TM2D2: variants seen among roughly 807,000 people sequenced by gnomAD.
TM2D2 encodes TM2 domain containing 2.
A neutral mutation model predicts 23.0 loss-of-function variants in TM2D2; 19 were observed. That is an observed-to-expected ratio of 0.82 (90% CI 0.58 to 1.21). TM2D2 has a LOEUF of 1.21. TM2D2 is among the 50% of genes most tolerant of loss of function. The pLI is 0.00. For synonymous variants in TM2D2, 120 were observed against 108.8 expected, an observed-to-expected ratio of 1.10 and a Z score of -0.64; for missense variants, 246 against 265.4, an observed-to-expected ratio of 0.93 and a Z score of 0.51.
rs1233564326 is a variant in TM2D2 at position 38,990,549 on chromosome 8, T to G, written c.*783A>C. On this transcript the variant is annotated 3_prime_UTR_variant, in exon 4 of 4. Transcript: ENST00000456397. Reference sequence around the variant, plus strand: ...AACTTGTATGAAATCTTAATTTTATTAGCATGGGCTGGTAAACGCTGATTT... The same window carrying G: ...AACTTGTATGAAATCTTAATTTTATGAGCATGGGCTGGTAAACGCTGATTT... The G allele has an allele frequency of 6.6e-6, 1 of 152,226 alleles. No individual in the cohort carries two copies. Among genetic ancestry groups the G allele is most frequent in the Non-Finnish European group, 1.5e-5 (1 of 68,038 alleles). The allele number at this position is 152,226 out of a possible 1,614,324, so 9.4% of individuals were successfully genotyped here. A position where few individuals can be genotyped will look rare whatever the true frequency, so the allele number is the denominator to read the frequency against.
At chr8:38,996,702 G>A (rs1368815852), upstream of TM2D2, 1 of 1,421,884 alleles carries the variant, frequency 7.0e-7, no homozygotes, top group Admixed American at 2.9e-5. Flanking sequence ...CTTTTGCGCC[G>A]AATGCGTTCT....
intron 1 of TM2D2, 98 bp downstream of exon 1, chr8:38,996,115 G>A: frequency 7.1e-7 from 1 of 1,408,836 alleles, no homozygotes; most frequent in Non-Finnish European, 9.5e-7. Context: ...GGCAGGGTCT[G>A]AAAAAATGCA....
At chr8:38,995,521 G>A (rs767955099) in intron 1 of TM2D2, 116 bp from the exon 2 acceptor site, 6 of 1,563,302 alleles carry the variant, frequency 3.8e-6, no homozygotes, top group South Asian at 2.4e-5. Flanking sequence ...TCTGGGGTTC[G>A]GTTTCACCCT....
At chr8:38,996,702 G>T (rs1368815852), upstream of TM2D2, 2 of 1,421,884 alleles carry the variant, frequency 1.4e-6, no homozygotes, top group Non-Finnish European at 1.8e-6. Flanking sequence ...CTTTTGCGCC[G>T]AATGCGTTCT....
intron 3 of TM2D2, among the ~76,000 whole-genome samples, chr8:38,992,370 C>T (rs534239844): frequency 1.1e-4 from 15 of 142,334 alleles, no homozygotes; most frequent in South Asian, 2.3e-4. Context: ...CCTAGTTACT[C>T]GGGAGGCTGA....
chr8:38,995,129 G>C, intron 2 of TM2D2, 189 bp downstream of exon 2: 3 of 498,312 alleles, frequency 6.0e-6, no homozygotes, highest in Non-Finnish European at 1.0e-5. Context: ...CACAGAGATT[G>C]CTCCTTCATA....
rs1835548462 is a variant in TM2D2 at position 38,989,707 on chromosome 8, G to C, written c.*1625C>G. On this transcript the variant is annotated 3_prime_UTR_variant, in exon 4 of 4. Coordinates refer to ENST00000456397, the MANE Select transcript of TM2D2 (RefSeq NM_078473.3). ...TAAAGTGTGAAATGAGGCAGGACTTGGTTAGGTGAAAAGTAGCATCTTATT... is the reference window on the plus strand; with the variant it reads ...TAAAGTGTGAAATGAGGCAGGACTTCGTTAGGTGAAAAGTAGCATCTTATT... 6.6e-6 allele frequency: 1 copy of C among 152,150 alleles called. No individual in the cohort carries two copies. The highest frequency in any genetic ancestry group is 2.1e-4 in the South Asian group (1 of 4,820). 9.4% of individuals were successfully genotyped at this position (152,150 alleles called of 1,614,324 possible).
At chr8:38,992,650 A>C (rs1392458055) in intron 3 of TM2D2, among the ~76,000 whole-genome samples, 1 of 152,182 alleles carries the variant, frequency 6.6e-6, no homozygotes, top group Non-Finnish European at 1.5e-5. Context: ...ATTGGACAAG[A>C]AGTCATCAAG....
In TM2D2 at chr8:38,996,282, T is replaced by A. The variant is rs1395962380; in HGVS notation, c.158A>T (p.Glu53Val). 1.2e-6 allele frequency: 2 copies of A among 1,613,806 alleles called. No homozygotes were observed. The highest frequency in any genetic ancestry group is 1.7e-5 in the Admixed American group (1 of 60,000). The change falls in exon 1 of 4, where the codon GAG (glutamate) becomes GTG (valine). Residue 53 changes from glutamate to valine, a missense_variant. Transcript: ENST00000456397. Reference protein sequence around the residue: ...ELTSAGAAQPEGPGGAASWEY... With the variant: ...ELTSAGAAQPVGPGGAASWEY... ...CCAGCTCGCAGCACCCCCGGGGCCC[T>A]CCGGCTGGGCGGCGCCAGCGGATGT...
rs1835665760 is a variant in TM2D2, at chr8:38,993,549, T to C, written c.427A>G (p.Ile143Val). 3 of 1,611,130 alleles carry C rather than the reference T, an allele frequency of 1.9e-6. No homozygotes were observed. Among genetic ancestry groups the C allele is most frequent in the African/African-American group, 1.3e-5 (1 of 74,860 alleles). The stretch of plus-strand genomic sequence containing the variant: ...TCCAATCAAAGTAACACTTACTTTA[T>C]ACAAGGTTTATTTTCTCGTAGAAAG... ...RTFLRENKPC[I>V]KYTGHYFITT... The change falls in exon 3 of 4, where the codon ATA becomes GTA. Residue 143 changes from isoleucine (I) to valine (V), a missense_variant. This residue lies in a region of TM2D2 where 212 missense variants were observed against 202.2 expected (regional missense o/e 1.05). Coordinates refer to ENST00000456397, the MANE Select transcript of TM2D2 (RefSeq NM_078473.3).
At chr8:38,993,905 TA>T in intron 2 of TM2D2, 19 of 285,010 alleles carry the variant, frequency 6.7e-5, no homozygotes, top group East Asian at 1.9e-4. Context: ...AATAATATAG[TA>T]AAAAAAACCC....
Position 38,991,056 on chromosome 8 carries a change from A to G in TM2D2, c.*276T>C. 2.1e-6 allele frequency: 1 copy of G among 481,794 alleles called. No homozygotes were observed. The highest frequency in any genetic ancestry group is 3.8e-6 in the Non-Finnish European group (1 of 266,294). The allele number at this position is 481,794 out of a possible 1,614,324, so 29.8% of individuals were successfully genotyped here. A position where few individuals can be genotyped will look rare whatever the true frequency, so the allele number is the denominator to read the frequency against. ...AAAGGAAGACTATGGAAACCCATCC[A>G]CAGCTTGTAAACTCGCCACTATCCT... On this transcript the variant is annotated 3_prime_UTR_variant, in exon 4 of 4. Coordinates refer to ENST00000456397, the MANE Select transcript of TM2D2 (RefSeq NM_078473.3).
At chr8:38,992,949 AG>A (rs1333904239) in intron 3 of TM2D2, among the ~76,000 whole-genome samples, 1 of 152,238 alleles carries the variant, frequency 6.6e-6, no homozygotes, top group Non-Finnish European at 1.5e-5. Flanking sequence ...AAACTGTACA[AG>A]GAAATTCTGT....
intron 2 of TM2D2, 45 bp downstream of exon 2, chr8:38,995,273 T>G (rs769898619): frequency 7.4e-7 from 1 of 1,359,296 alleles, no homozygotes; most frequent in South Asian, 1.4e-5. Context: ...GACATTCCTA[T>G]TTCGTTATCG....
upstream of TM2D2, chr8:38,996,959 C>T (rs1835827884): frequency 2.0e-6 from 3 of 1,490,534 alleles, no homozygotes; most frequent in Non-Finnish European, 2.7e-6. Flanking sequence ...GTCGGGCGCG[C>T]GCGCTTCCCG....
chr8:38,993,729 T>A (rs1835674430), intron 2 of TM2D2, 69 bp from the exon 3 acceptor site: 2 of 1,155,198 alleles, frequency 1.7e-6, no homozygotes, highest in African/African-American at 1.5e-5. Context: ...ATCTTTATAT[T>A]CACTAATAAC....
At chr8:38,992,303 C>CAAAAAAAAA (rs11332696) in intron 3 of TM2D2, among the ~76,000 whole-genome samples, 5 of 47,392 alleles carry the variant, frequency 1.1e-4, no homozygotes, top group African/African-American at 4.5e-4. Flanking sequence ...CTGTTTCTAC[C>CAAAAAAAAA]AAAAAAAAAA....
Position 38,993,594 on chromosome 8 carries a change from C to G in TM2D2, c.382G>C (p.Glu128Gln). 6.2e-7 allele frequency: 1 copy of G among 1,614,000 alleles called. No individual in the cohort carries two copies. Among genetic ancestry groups the G allele is most frequent in the South Asian group, 1.1e-5 (1 of 91,056 alleles). Residue 128 changes from glutamate to glutamine, a missense_variant, in exon 3 of 4, where the codon GAG becomes CAG. By Grantham distance (29) the Glu-to-Gln change is conservative. Around this residue, in one of 2 missense-constraint regions of TM2D2, gnomAD observed 212 missense variants for 202.2 expected, o/e 1.05. Transcript: ENST00000456397. ...SVQCHALDGI[E>Q]CASPRTFLRE... is the part of the protein sequence containing the mutation. The stretch of plus-strand genomic sequence containing the variant: ...AGAAAGGTCCTAGGACTGGCACACT[C>G]AATTCCATCTAAGGCATGGCACTGG...
chr8:38,995,321 G>C lies in TM2D2; in HGVS notation c.312C>G (p.Leu104=). The C allele has an allele frequency of 1.3e-6, 2 of 1,588,086 alleles. No individual in the cohort carries two copies. The highest frequency in any genetic ancestry group is 2.3e-5 in the South Asian group (2 of 87,106). Residue 104 remains leucine (L), a synonymous_variant, in exon 2 of 4, where the codon CTC becomes CTG. Coordinates refer to ENST00000456397, the MANE Select transcript of TM2D2 (RefSeq NM_078473.3). ...TTACGACAAAACAAAAACTCACCTT[G>C]AGACAACCATAACCAAGTTCCTGGG... ...TASQELGYGC[L]KFGGQAYSDV... is the part of the protein sequence containing the mutation.
Sources: allele counts gnomAD v4.1 joint callset (sites outside exome capture counted in the v4.1 genomes callset), GRCh38; gene constraint gnomAD v4.1.1; regional missense constraint gnomAD v4.1.1; transcripts MANE v1.5; gene names NCBI Gene and HGNC (gene_info 2026-07-23, HGNC 2026-07-21).